RBMS3: variants seen among roughly 807,000 people sequenced by gnomAD.
RBMS3 encodes the protein RNA-binding motif, single-stranded-interacting protein 3.
In RBMS3, 27 loss-of-function variants were observed where a neutral mutation model predicts 66.8. The observed-to-expected ratio is 0.40, with a 90% CI of 0.30 to 0.56. The LOEUF is 0.56. Among genes scored for constraint, RBMS3 ranks in the 20% least tolerant of loss-of-function variants. RBMS3 has a pLI of 0.40. For synonymous variants in RBMS3, 188 were observed against 183.0 expected (o/e 1.03, Z -0.22); for missense variants, 513 against 549.5 (o/e 0.93, Z 0.66).
intron 4 of RBMS3, among the ~76,000 whole-genome samples, chr3:29,719,431 G>T (rs1266023964): frequency 6.6e-6 from 1 of 152,052 alleles, no homozygotes; most frequent in Non-Finnish European, 1.5e-5. Context: ...CTTGCAAAGA[G>T]AATCTGCTTT....
intron 1 of RBMS3, among the ~76,000 whole-genome samples, chr3:29,313,284 A>G (rs1212801788): frequency 2.0e-5 from 3 of 151,894 alleles, no homozygotes; most frequent in African/African-American, 7.2e-5. Context: ...GGTAGGAAAC[A>G]TGTAAAAGTC....
Position 29,801,108 on chromosome 3 carries a change from T to C in RBMS3, c.637+38119T>C, listed in dbSNP as rs1237302535. On this transcript the variant is annotated intron_variant, in intron 6 of 14. Coordinates refer to ENST00000383767, the MANE Select transcript of RBMS3 (RefSeq NM_001003793.3). ...AAGTTAATATGCTACTATAGGCTAG[T>C]ATGAAGAAGTTTTACATTATTTATT... Among the ~76,000 whole-genome samples, 8 of 151,956 alleles carry C rather than the reference T, an allele frequency of 5.3e-5. 1 individual carries two copies. Among genetic ancestry groups the C allele is most frequent in the Non-Finnish European group, 1.2e-4 (8 of 67,990 alleles).
intron 6 of RBMS3, among the ~76,000 whole-genome samples, chr3:29,810,958 A>T (rs1477128560): frequency 6.6e-6 from 1 of 152,094 alleles, no homozygotes; most frequent in Admixed American, 6.5e-5. Flanking sequence ...TCCCAAACTC[A>T]TTTCTTTGGT....
chr3:29,330,492 C>T (rs1386102126), intron 1 of RBMS3, among the ~76,000 whole-genome samples: 1 of 150,900 alleles, frequency 6.6e-6, no homozygotes, highest in African/African-American at 2.4e-5. Flanking sequence ...TAGCTCATCC[C>T]CTTTTCTGGA....
chr3:29,968,207 G>T (rs994875664), intron 12 of RBMS3, among the ~76,000 whole-genome samples: 1 of 150,778 alleles, frequency 6.6e-6, no homozygotes, highest in Non-Finnish European at 1.5e-5. Flanking sequence ...GCCTGCCCCC[G>T]TAACAGTCTG....
chr3:29,481,988 A>G (rs1315722044), intron 2 of RBMS3, among the ~76,000 whole-genome samples: 1 of 152,222 alleles, frequency 6.6e-6, no homozygotes, highest in Non-Finnish European at 1.5e-5. Context: ...CAGATCAAGG[A>G]ACAGGTGCTG....
At chr3:29,459,176 A>G (rs952841957) in intron 2 of RBMS3, among the ~76,000 whole-genome samples, 4 of 152,212 alleles carry the variant, frequency 2.6e-5, no homozygotes, top group African/African-American at 9.7e-5. Flanking sequence ...AGATTCATTG[A>G]TAAACATACA....
At chr3:29,335,859 A>G (rs1044802649) in intron 1 of RBMS3, among the ~76,000 whole-genome samples, 1 of 151,096 alleles carries the variant, frequency 6.6e-6, no homozygotes, top group Non-Finnish European at 1.5e-5. Context: ...TTAATTCCTC[A>G]CTTCCTGCCT....
chr3:29,537,822 CAA>C (rs1195812359), intron 3 of RBMS3, among the ~76,000 whole-genome samples: 13 of 70,778 alleles, frequency 1.8e-4, no homozygotes, highest in Admixed American at 3.4e-4. Context: ...GACTCCACCT[CAA>C]AAAAAAAAAA....
At chr3:29,819,788 C>G (rs1298944783) in intron 6 of RBMS3, among the ~76,000 whole-genome samples, 1 of 152,148 alleles carries the variant, frequency 6.6e-6, no homozygotes, top group Non-Finnish European at 1.5e-5. Flanking sequence ...GCTCAAAAGA[C>G]ATTTTCTAGT....
intron 1 of RBMS3, among the ~76,000 whole-genome samples, chr3:29,295,182 T>A (rs1383077630): frequency 1.3e-5 from 2 of 150,720 alleles, no homozygotes; most frequent in Non-Finnish European, 3.0e-5. Flanking sequence ...TTTTCCAAGT[T>A]GTGCTGAATC....
intron 2 of RBMS3, among the ~76,000 whole-genome samples, chr3:29,485,796 G>A (rs2125827250): frequency 6.6e-6 from 1 of 152,226 alleles, no homozygotes; most frequent in South Asian, 2.1e-4. Flanking sequence ...CTATTTCCAG[G>A]CATTATTCAG....
intron 3 of RBMS3, among the ~76,000 whole-genome samples, chr3:29,510,026 T>C (rs557761003): frequency 6.6e-6 from 1 of 152,328 alleles, no homozygotes; most frequent in African/African-American, 2.4e-5. Flanking sequence ...GATTAGAAAC[T>C]GGGATAAAAT....
intron 10 of RBMS3, chr3:29,926,966 C>T (rs905890869): frequency 1.3e-5 from 2 of 152,182 alleles, no homozygotes; most frequent in African/African-American, 4.8e-5. Context: ...AAAACCTTAA[C>T]CTACATTTGT....
rs965374380 is a variant in RBMS3, at chr3:29,884,984, G to A, written c.791+776G>A. Reference sequence around the variant, plus strand: ...AAGCCTCATTGAAGATCAACATAGAGGGTAGAATGAATTAAACTTCATTTT... The same window carrying A: ...AAGCCTCATTGAAGATCAACATAGAAGGTAGAATGAATTAAACTTCATTTT... On this transcript the variant is annotated intron_variant, in intron 8 of 14. Coordinates refer to ENST00000383767, the MANE Select transcript of RBMS3 (RefSeq NM_001003793.3). 2.6e-5 allele frequency among the ~76,000 whole-genome samples: 4 copies of A among 151,972 alleles called. No homozygotes were observed. In the East Asian group the frequency reaches 7.8e-4, roughly 30 times the overall value.
intron 12 of RBMS3, among the ~76,000 whole-genome samples, chr3:29,954,801 G>T (rs936244787): frequency 3.3e-5 from 5 of 151,766 alleles, no homozygotes; most frequent in Admixed American, 1.3e-4. Context: ...GTGTTGTTTT[G>T]GTGTCAACAC....
At chr3:29,320,781 G>A (rs73054451) in intron 1 of RBMS3, among the ~76,000 whole-genome samples, 22,045 of 151,714 alleles carry the variant, frequency 0.15, 1,711 homozygotes, top group Middle Eastern at 0.2. Context: ...TGAAGTGGAG[G>A]GCTATTAAGA....
At chr3:29,293,612 A>G in intron 1 of RBMS3, among the ~76,000 whole-genome samples, 1 of 151,730 alleles carries the variant, frequency 6.6e-6, no homozygotes, top group Middle Eastern at 3.2e-3. Flanking sequence ...GCATTTCTCC[A>G]TCCTTGTTTT....
intron 10 of RBMS3, among the ~76,000 whole-genome samples, chr3:29,928,452 GA>G (rs1348232503): frequency 1.3e-5 from 2 of 151,536 alleles, no homozygotes; most frequent in African/African-American, 2.4e-5. Flanking sequence ...TTTTGTCTTT[GA>G]TTTTTTTTGT....
Sources: allele counts gnomAD v4.1 joint callset (sites outside exome capture counted in the v4.1 genomes callset), GRCh38; gene constraint gnomAD v4.1.1; transcripts MANE v1.5; gene names NCBI Gene and HGNC (gene_info 2026-07-23, HGNC 2026-07-21).